The following MCF2 variants were observed in gnomAD, a reference collection of about 807,000 sequenced individuals.
MCF2 encodes the protein MCF.2 cell line derived transforming sequence.
Under a neutral mutation model 82.5 loss-of-function variants are expected in MCF2, and 44 were observed. The ratio of observed to expected loss-of-function variants is 0.53; its 90% CI spans 0.42 to 0.69. The LOEUF (loss-of-function observed/expected upper bound fraction) is 0.69. Ranked by LOEUF, MCF2 falls within the 30% of genes least tolerant of loss-of-function variation. The pLI, the probability that MCF2 is intolerant of heterozygous loss-of-function variation, is 0.00. For synonymous variants in MCF2, 217 were observed against 224.9 expected, an observed-to-expected ratio of 0.96 and a Z score of 0.32; for missense variants, 623 against 663.1, an observed-to-expected ratio of 0.94 and a Z score of 0.66.
chrX:139,626,432 T>C (rs968461214), intron 5 of MCF2, 125 bp from the exon 9 acceptor site: 34 of 583,314 alleles, frequency 5.8e-5, no homozygotes, highest in Non-Finnish European at 9.4e-5. Flanking sequence ...TGGTTCTACC[T>C]ATAGAGACAA....
intron 19 of MCF2, 128 bp downstream of exon 23, chrX:139,596,421 T>C (rs961080088): frequency 4.1e-6 from 2 of 485,494 alleles, no homozygotes; most frequent in African/African-American, 4.9e-5. Context: ...AGACTTAAGA[T>C]TTTTTAAAAA....
At position 139,605,952 on chromosome X, in the gene MCF2, T is replaced by C. The variant is rs112656536; in HGVS notation, c.1491-173A>G. On this transcript the variant is annotated intron_variant, in intron 12 of 24. Coordinates refer to ENST00000370576, the Ensembl canonical transcript of MCF2. Reference sequence around the variant, plus strand: ...CTTTTATGGTTTCTAGAATAAAAACTATATATATATATAGTCTTATGGGTG... The same window carrying C: ...CTTTTATGGTTTCTAGAATAAAAACCATATATATATATAGTCTTATGGGTG... Among the ~76,000 whole-genome samples, 447 of 105,020 alleles carry C rather than the reference T, an allele frequency of 4.3e-3. 2 individuals carry two copies. Among genetic ancestry groups the C allele is most frequent in the African/African-American group, 0.014 (412 of 29,191 alleles). 91.2% of individuals were successfully genotyped at this position (105,020 alleles called of 115,157 possible).
chrX:139,643,398 C>T (rs923901374), upstream of MCF2, among the ~76,000 whole-genome samples: 1 of 111,789 alleles, frequency 8.9e-6, no homozygotes, highest in Non-Finnish European at 1.9e-5. Flanking sequence ...TTGAAATTAG[C>T]TTGCATTCAA....
At chrX:139,631,545 G>T (rs768093893) in intron 2 of MCF2, 34 bp from the exon 6 acceptor site, 3 of 795,716 alleles carry the variant, frequency 3.8e-6, no homozygotes, top group Non-Finnish European at 5.7e-6. Flanking sequence ...ACTGTTAACT[G>T]CCCTTCATGC....
At chrX:139,649,971 TATTA>T (rs767251920) in intron 2 of MCF2, among the ~76,000 whole-genome samples, 4 of 112,296 alleles carry the variant, frequency 3.6e-5, no homozygotes, top group South Asian at 3.7e-4. Context: ...CATAAAGCCA[TATTA>T]ATTAAGTCAT....
chrX:139,674,493 C>G (rs899310527), intron 1 of MCF2, among the ~76,000 whole-genome samples: 7 of 112,001 alleles, frequency 6.2e-5, no homozygotes, highest in African/African-American at 2.3e-4. Flanking sequence ...GTGCTTCCTT[C>G]AAGAGCTCTT....
chrX:139,667,061 C>A (rs986447535), intron 1 of MCF2, among the ~76,000 whole-genome samples: 1 of 111,140 alleles, frequency 9.0e-6, no homozygotes, highest in Non-Finnish European at 1.9e-5. Context: ...AATTTCTATT[C>A]GGTTCTCTTT....
intron 1 of MCF2, among the ~76,000 whole-genome samples, chrX:139,676,984 T>A (rs937798041): frequency 3.6e-5 from 4 of 111,228 alleles, no homozygotes; most frequent in Non-Finnish European, 7.5e-5. Context: ...GGAAAGGCCA[T>A]CTCCCAATAA....
At chrX:139,676,185 A>G (rs745500370) in intron 1 of MCF2, among the ~76,000 whole-genome samples, 2 of 112,473 alleles carry the variant, frequency 1.8e-5, no homozygotes, top group African/African-American at 6.4e-5. Flanking sequence ...GGAAAAGCAC[A>G]GTATTTGGGC....
intron 1 of MCF2, among the ~76,000 whole-genome samples, chrX:139,699,144 G>T (rs1935437695): frequency 9.0e-6 from 1 of 111,631 alleles, no homozygotes; most frequent in African/African-American, 3.2e-5. Context: ...TTATAATTTT[G>T]CAGATCTGCA....
chrX:139,600,821 G>A (rs760550690), intron 16 of MCF2, among the ~76,000 whole-genome samples: 18 of 111,367 alleles, frequency 1.6e-4, no homozygotes, highest in Non-Finnish European at 2.3e-4. Context: ...AGACATTTGA[G>A]GAGAGCATCA....
upstream of MCF2, among the ~76,000 whole-genome samples, chrX:139,647,336 C>T (rs5907624): frequency 0.4 from 43,962 of 110,523 alleles, 8,367 homozygotes; most frequent in Non-Finnish European, 0.59. Flanking sequence ...GGAAAAGATA[C>T]AGAGCACCCT....
intron 15 of MCF2, among the ~76,000 whole-genome samples, chrX:139,603,398 T>C (rs1202767469): frequency 8.9e-6 from 1 of 112,542 alleles, no homozygotes; most frequent in Non-Finnish European, 1.9e-5. Context: ...CACGTATATA[T>C]GTAAAGGTGC....
At chrX:139,682,254 G>A (rs940910001) in intron 1 of MCF2, among the ~76,000 whole-genome samples, 7 of 111,891 alleles carry the variant, frequency 6.3e-5, no homozygotes, top group Admixed American at 9.5e-5. Context: ...TCTTGTAGGT[G>A]TTTAATTAAG....
intron 6 of MCF2, among the ~76,000 whole-genome samples, 181 bp downstream of exon 9, chrX:139,626,012 A>G (rs942801012): frequency 8.9e-6 from 1 of 111,915 alleles, no homozygotes; most frequent in African/African-American, 3.2e-5. Context: ...CTGAAAAAGT[A>G]GAAGTCTCAG....
intron 1 of MCF2, among the ~76,000 whole-genome samples, chrX:139,680,712 T>C (rs748234584): frequency 8.9e-6 from 1 of 112,433 alleles, no homozygotes; most frequent in Admixed American, 9.5e-5. Flanking sequence ...AGAGACAAGA[T>C]GACCCACTGA....
intron 1 of MCF2, among the ~76,000 whole-genome samples, chrX:139,668,674 T>C (rs1198297432): frequency 8.9e-6 from 1 of 111,770 alleles, no homozygotes; most frequent in Non-Finnish European, 1.9e-5. Context: ...TTGGATAATG[T>C]ATCCAAAATG....
At chrX:139,595,747 A>T (rs780790866) in intron 19 of MCF2, among the ~76,000 whole-genome samples, 63 of 109,691 alleles carry the variant, frequency 5.7e-4, no homozygotes, top group African/African-American at 2.0e-3. Context: ...ATAAAAAAAT[A>T]AAAAATAAAA....
At chrX:139,606,576 C>A (rs1188066788) in intron 12 of MCF2, among the ~76,000 whole-genome samples, 1 of 111,329 alleles carries the variant, frequency 9.0e-6, no homozygotes, top group Non-Finnish European at 1.9e-5. Flanking sequence ...TCAGGCTGGT[C>A]TCGAACTCCT....
Sources: gnomAD v4.1 joint callset for allele counts (sites outside exome capture counted in the v4.1 genomes callset) on GRCh38, gnomAD v4.1.1 for gene constraint, MANE v1.5 for transcripts, NCBI Gene and HGNC (gene_info 2026-07-23, HGNC 2026-07-21) for gene names.